The following EZR variants were observed in gnomAD, a reference collection of about 807,000 sequenced individuals.
EZR encodes the protein ezrin.
EZR carries 40 observed loss-of-function variants against 74.8 expected under a neutral mutation model. The ratio of observed to expected loss-of-function variants is 0.53; its 90% CI spans 0.42 to 0.70. The LOEUF (loss-of-function observed/expected upper bound fraction) is 0.70, where lower values mean the gene tolerates loss of function less well. EZR is among the 30% of genes least tolerant of loss of function. EZR has a pLI of 0.00. For missense variants in EZR, 678 were observed against 755.8 expected (o/e 0.90, Z 1.21); for synonymous variants, 341 against 283.3 (o/e 1.20, Z -2.05).
intron 2 of EZR, among the ~76,000 whole-genome samples, chr6:158,796,779 G>A (rs1016660762): frequency 6.6e-6 from 1 of 152,196 alleles, no homozygotes; most frequent in Non-Finnish European, 1.5e-5. Flanking sequence ...CCAAGACGGG[G>A]CCACAGTCTC....
At chr6:158,775,287 C>T (rs983032480) in intron 8 of EZR, among the ~76,000 whole-genome samples, 4 of 152,132 alleles carry the variant, frequency 2.6e-5, no homozygotes, top group Non-Finnish European at 4.4e-5. Context: ...CCATCTCAGC[C>T]TCCCAAGGTC....
chr6:158,807,767 T>A (rs1227621213), intron 2 of EZR, among the ~76,000 whole-genome samples: 1 of 152,104 alleles, frequency 6.6e-6, no homozygotes, highest in African/African-American at 2.4e-5. Context: ...CAATATAAGC[T>A]TCTTGAAAGC....
At chr6:158,799,961 C>G (rs1777156673) in intron 2 of EZR, among the ~76,000 whole-genome samples, 1 of 152,132 alleles carries the variant, frequency 6.6e-6, no homozygotes, top group Admixed American at 6.5e-5. Context: ...GTTTTATATA[C>G]AAAATTATAT....
intron 2 of EZR, among the ~76,000 whole-genome samples, chr6:158,798,744 ACCTTAGCCT>A (rs1276008316): frequency 6.8e-6 from 1 of 146,772 alleles, no homozygotes; most frequent in African/African-American, 2.5e-5. Context: ...AGATTCTCCC[ACCTTAGCCT>A]CCTTAGCTGG....
At chr6:158,808,493 G>A (rs545803944) in intron 2 of EZR, among the ~76,000 whole-genome samples, 1 of 146,948 alleles carries the variant, frequency 6.8e-6, no homozygotes, top group Non-Finnish European at 1.5e-5. Context: ...TTATTTCATC[G>A]GGCTGCTAAG....
At chr6:158,788,894 T>A (rs1336499566) in intron 3 of EZR, among the ~76,000 whole-genome samples, 1 of 151,930 alleles carries the variant, frequency 6.6e-6, no homozygotes, top group Non-Finnish European at 1.5e-5. Context: ...GTGAGAGGGG[T>A]TCTACTCTGG....
At chr6:158,776,799 T>C (rs1791291591) in intron 7 of EZR, among the ~76,000 whole-genome samples, 1 of 152,166 alleles carries the variant, frequency 6.6e-6, no homozygotes, top group Admixed American at 6.6e-5. Flanking sequence ...CTGAAATTCC[T>C]ACCCAGGTAC....
At chr6:158,785,655 T>TA in intron 4 of EZR, 72 bp from the exon 5 acceptor site, 1 of 1,567,138 alleles carries the variant, frequency 6.4e-7, no homozygotes, top group South Asian at 1.2e-5. Flanking sequence ...CACAGGCTTC[T>TA]AACCAAGACT....
chr6:158,814,583 C>T (rs865911753), intron 2 of EZR, among the ~76,000 whole-genome samples: 1 of 148,796 alleles, frequency 6.7e-6, no homozygotes, highest in South Asian at 2.2e-4. Context: ...CTCACTCTGT[C>T]GCCAGGCTGG....
chr6:158,803,532 TATATATATATATG>T (rs1562504217), intron 2 of EZR, among the ~76,000 whole-genome samples: 2 of 2,632 alleles, frequency 7.6e-4, no homozygotes, highest in Non-Finnish European at 2.1e-3. Flanking sequence ...TAACATTATA[TATATATATATATG>T]TATATATATA....
intron 7 of EZR, among the ~76,000 whole-genome samples, chr6:158,776,945 T>C (rs996146727): frequency 6.6e-6 from 1 of 152,172 alleles, no homozygotes; most frequent in African/African-American, 2.4e-5. Flanking sequence ...GCTGATCTGA[T>C]TAATTTCCTC....
chr6:158,772,649 G>A (rs1791150977), intron 8 of EZR, among the ~76,000 whole-genome samples: 1 of 152,194 alleles, frequency 6.6e-6, no homozygotes, highest in Non-Finnish European at 1.5e-5. Flanking sequence ...CCTTGCTACT[G>A]CTGTGATTAG....
At position 158,766,837 on chromosome 6, in the gene EZR, G is replaced by T; in HGVS notation, c.*77C>A. ...ATCTGAGGGAGTTCCTAGACTTGGA[G>T]CACTAAAGACACAAGCGTGGCGGGG... is the stretch of plus-strand genomic sequence containing the variant. On this transcript the variant is annotated 3_prime_UTR_variant, in exon 14 of 14. Coordinates refer to ENST00000367075, the MANE Select transcript of EZR (RefSeq NM_001111077.2). 7.4e-7 allele frequency: 1 copy of T among 1,347,216 alleles called. No individual in the cohort carries two copies. Among genetic ancestry groups the T allele is most frequent in the Non-Finnish European group, 1.0e-6 (1 of 969,762 alleles). 83.5% of individuals were successfully genotyped at this position (1,347,216 alleles called of 1,614,324 possible). A position where few individuals can be genotyped will look rare whatever the true frequency, so the allele number is the denominator to read the frequency against.
chr6:158,810,671 G>A (rs1037327931), intron 2 of EZR, among the ~76,000 whole-genome samples: 1 of 152,106 alleles, frequency 6.6e-6, no homozygotes. Context: ...AACCCAAACT[G>A]TTCATATTGC....
Position 158,785,431 on chromosome 6 carries a change from G to A in EZR, c.345C>T (p.Ile115=). 1.2e-6 allele frequency: 2 copies of A among 1,614,226 alleles called. No individual in the cohort carries two copies. Among genetic ancestry groups the A allele is most frequent in the Non-Finnish European group, 1.7e-6 (2 of 1,180,042 alleles). The stretch of plus-strand genomic sequence containing the variant: ...GCACGGCAGTCTCAGGGGGGCAGTA[G>A]ATCTCATCGCTAAGGATTCCTTCCT... ...QVKEGILSDE[I]YCPPETAVLL... Residue 115 remains isoleucine, a synonymous_variant, in exon 5 of 14, where the codon ATC becomes ATT. Transcript: ENST00000367075.
chr6:158,809,255 T>G (rs140485596), intron 2 of EZR, among the ~76,000 whole-genome samples: 276 of 152,262 alleles, frequency 1.8e-3, no homozygotes, highest in Non-Finnish European at 3.2e-3. Flanking sequence ...TTAGACAGGG[T>G]GTTCTGAATC....
At chr6:158,780,267 G>C (rs1326545187) in intron 7 of EZR, among the ~76,000 whole-genome samples, 5 of 151,476 alleles carry the variant, frequency 3.3e-5, no homozygotes, top group African/African-American at 1.2e-4. Flanking sequence ...CATGTCTTAA[G>C]ATTTTGCATT....
At chr6:158,771,450 T>A (rs1169076228) in intron 8 of EZR, 43 bp from the exon 9 acceptor site, 4 of 1,534,532 alleles carry the variant, frequency 2.6e-6, no homozygotes, top group Non-Finnish European at 3.5e-6. Context: ...GCTCCTTCGT[T>A]TGGTTTTCTT....
At chr6:158,774,668 ATCAAACACACAC>A (rs756978937) in intron 8 of EZR, among the ~76,000 whole-genome samples, 1 of 91,042 alleles carries the variant, frequency 1.1e-5, no homozygotes, top group African/African-American at 4.4e-5. Flanking sequence ...TGGACTTATC[ATCAAACACACAC>A]ACACACACAC....
Sources: gnomAD v4.1 joint callset for allele counts (sites outside exome capture counted in the v4.1 genomes callset) on GRCh38, gnomAD v4.1.1 for gene constraint, MANE v1.5 for transcripts, NCBI Gene and HGNC (gene_info 2026-07-23, HGNC 2026-07-21) for gene names.